Variants in UBE2E1 observed in about 807,000 individuals in gnomAD.
The protein encoded by UBE2E1 is ubiquitin conjugating enzyme E2 E1, also known as ubiquitin-conjugating enzyme E2 E1.
In UBE2E1, 6 loss-of-function variants were observed where a neutral mutation model predicts 21.4. The ratio of observed to expected loss-of-function variants is 0.28; its 90% CI spans 0.15 to 0.55. The LOEUF (loss-of-function observed/expected upper bound fraction) is 0.55, where lower values mean the gene tolerates loss of function less well. Ranked by LOEUF, UBE2E1 falls within the 20% of genes least tolerant of loss-of-function variation. UBE2E1 has a pLI of 0.93. For missense variants in UBE2E1, 142 were observed against 236.5 expected, an observed-to-expected ratio of 0.60 and a Z score of 2.62; for synonymous variants, 87 against 82.7, an observed-to-expected ratio of 1.05 and a Z score of -0.28.
rs1009974721 is a variant in UBE2E1 at position 23,807,231 on chromosome 3, C to G, written c.-33-6C>G. The G allele has an allele frequency of 4.4e-6, 7 of 1,594,744 alleles. No homozygotes were observed. Among genetic ancestry groups the G allele is most frequent in the Non-Finnish European group, 5.1e-6 (6 of 1,172,516 alleles). On this transcript the variant is annotated splice_polypyrimidine_tract_variant and splice_region_variant and intron_variant, in intron 1 of 5. Transcript: ENST00000306627. ...GTGTTTCTGTTTTGTTTCTCTCCCC[C>G]TGCAGGGGCTGTTTGCGGGGTGGGG...
At position 23,823,933 on chromosome 3, in the gene UBE2E1, A is replaced by G. The variant is rs993619398; in HGVS notation, c.203+12423A>G. Among the ~76,000 whole-genome samples the G allele has an allele frequency of 2.6e-5, 4 of 152,212 alleles. No individual in the cohort carries two copies. Among genetic ancestry groups the G allele is most frequent in the Admixed American group, 1.3e-4 (2 of 15,282 alleles). On this transcript the variant is annotated intron_variant, in intron 3 of 5. Transcript: ENST00000306627. This position sits in a 1 kb window ranked among gnomAD's most constrained non-coding sequence, Gnocchi z 4.2. Reference sequence around the variant, plus strand: ...GGAGACTGGTAGCCCCCGAAAAGACATTTATTTTTTGTAGCTTGGTATTCT... The same window carrying G: ...GGAGACTGGTAGCCCCCGAAAAGACGTTTATTTTTTGTAGCTTGGTATTCT...
At chr3:23,840,490 T>A (rs1461766490) in intron 3 of UBE2E1, among the ~76,000 whole-genome samples, 1 of 152,226 alleles carries the variant, frequency 6.6e-6, no homozygotes, top group Non-Finnish European at 1.5e-5. Context: ...TAAGGCCTCC[T>A]TTTGAAGCCT....
rs557766188 is a variant in UBE2E1 at position 23,822,372 on chromosome 3, A to G, written c.203+10862A>G. Among the ~76,000 whole-genome samples, 5 of 152,304 alleles carry G rather than the reference A, an allele frequency of 3.3e-5. No homozygotes were observed. The East Asian group carries it at 5.8e-4, about 18-fold the overall frequency. ...TGATCTGGTGTTATCTACTTTCTAC[A>G]CTTTAGGGCAGAATTTCTTAACATA... On this transcript the variant is annotated intron_variant, in intron 3 of 5. Transcript: ENST00000306627.
chr3:23,838,535 C>G (rs138611671), intron 3 of UBE2E1, among the ~76,000 whole-genome samples: 1 of 152,164 alleles, frequency 6.6e-6, no homozygotes, highest in East Asian at 1.9e-4. Context: ...TACCCTGTCA[C>G]CCAGGCCGGA....
At chr3:23,843,884 T>C (rs1231718958) in intron 3 of UBE2E1, among the ~76,000 whole-genome samples, 1 of 152,188 alleles carries the variant, frequency 6.6e-6, no homozygotes, top group Non-Finnish European at 1.5e-5. Context: ...TTTTCCTGTG[T>C]TTTTATATTT....
chr3:23,864,121 A>G (rs1246287836), intron 3 of UBE2E1, among the ~76,000 whole-genome samples: 1 of 152,156 alleles, frequency 6.6e-6, no homozygotes, highest in Non-Finnish European at 1.5e-5. Flanking sequence ...CTTCCCTAGC[A>G]CTTGATTGAT....
intron 3 of UBE2E1, among the ~76,000 whole-genome samples, chr3:23,886,208 A>G (rs1430712456): frequency 6.6e-6 from 1 of 152,244 alleles, no homozygotes; most frequent in East Asian, 1.9e-4. Flanking sequence ...TGTTTCAAAA[A>G]TAAAAAATAA....
intron 3 of UBE2E1, among the ~76,000 whole-genome samples, chr3:23,856,690 G>C (rs1240170235): frequency 6.6e-6 from 1 of 152,108 alleles, no homozygotes; most frequent in East Asian, 1.9e-4. Flanking sequence ...CTGTTGATTT[G>C]TTTCTGGGCC....
intron 3 of UBE2E1, among the ~76,000 whole-genome samples, chr3:23,840,980 A>G (rs780354230): frequency 2.6e-5 from 4 of 152,190 alleles, no homozygotes; most frequent in Non-Finnish European, 5.9e-5. Flanking sequence ...GGTAGGGCAG[A>G]TTTAGTATCT....
intron 3 of UBE2E1, among the ~76,000 whole-genome samples, chr3:23,868,661 C>T (rs1700709345): frequency 6.6e-6 from 1 of 151,884 alleles, no homozygotes; most frequent in South Asian, 2.1e-4. Flanking sequence ...GATTAGATTC[C>T]ATCTCTTCTA....
chr3:23,830,027 G>A (rs1034703358), intron 3 of UBE2E1, among the ~76,000 whole-genome samples: 4 of 152,020 alleles, frequency 2.6e-5, no homozygotes, highest in Admixed American at 1.3e-4. Flanking sequence ...TGGAATTTTG[G>A]TTCTAGAATA....
intron 4 of UBE2E1, among the ~76,000 whole-genome samples, chr3:23,888,073 G>C (rs889639061): frequency 1.3e-5 from 2 of 152,156 alleles, no homozygotes; most frequent in East Asian, 3.9e-4. Context: ...TGGGAGGATT[G>C]TTTGAGCCCA....
At chr3:23,830,226 C>A (rs190445611) in intron 3 of UBE2E1, among the ~76,000 whole-genome samples, 3 of 152,040 alleles carry the variant, frequency 2.0e-5, no homozygotes, top group African/African-American at 7.3e-5. Flanking sequence ...TTATTCTGAG[C>A]CCTTTATAAT....
rs1700751905 is a variant in UBE2E1 at position 23,870,077 on chromosome 3, G to A, written c.204-17490G>A. 6.6e-6 allele frequency among the ~76,000 whole-genome samples: 1 copy of A among 152,114 alleles called. No homozygotes were observed. Among genetic ancestry groups the A allele is most frequent in the African/African-American group, 2.4e-5 (1 of 41,394 alleles). On this transcript the variant is annotated intron_variant, in intron 3 of 5. Transcript: ENST00000306627. This position sits in a 1 kb window ranked among gnomAD's most constrained non-coding sequence, Gnocchi z 4.2. ...AGCCTTCCTCACTTTTACATGTCTG[G>A]TTTTCCACCTGGGCTGGGAAGGCCC...
intron 3 of UBE2E1, chr3:23,878,883 A>G (rs1418118922): frequency 2.4e-5 from 8 of 335,854 alleles, no homozygotes; most frequent in Non-Finnish European, 4.1e-5. Flanking sequence ...AATAAATACA[A>G]TGCACTTGAA....
chr3:23,868,222 C>G lies in UBE2E1; in HGVS notation c.204-19345C>G, dbSNP rs72627045. Among the ~76,000 whole-genome samples, 599 of 152,328 alleles carry G rather than the reference C, an allele frequency of 3.9e-3. 15 individuals are homozygous for G. In the East Asian group the frequency reaches 0.059, roughly 15 times the overall value. On this transcript the variant is annotated intron_variant, in intron 3 of 5. Coordinates refer to ENST00000306627, the MANE Select transcript of UBE2E1 (RefSeq NM_003341.5). ...GATAGCCCAGACTTAGTATCCCCCC[C>G]ACCTTTCCAAGTCCTTAAAGCATTG...
intron 3 of UBE2E1, among the ~76,000 whole-genome samples, chr3:23,822,601 A>C (rs1029021441): frequency 1.3e-5 from 2 of 152,210 alleles, no homozygotes; most frequent in Non-Finnish European, 2.9e-5. Context: ...CATGTATTAC[A>C]TCTTGATGAA....
chr3:23,825,500 G>A (rs895702763), intron 3 of UBE2E1, among the ~76,000 whole-genome samples: 2 of 152,170 alleles, frequency 1.3e-5, no homozygotes, highest in Non-Finnish European at 2.9e-5. Flanking sequence ...TTCATATAGA[G>A]GGAGGTACAA....
intron 2 of UBE2E1, among the ~76,000 whole-genome samples, chr3:23,809,102 A>G (rs1276691318): frequency 6.6e-6 from 1 of 152,242 alleles, no homozygotes; most frequent in Non-Finnish European, 1.5e-5. Flanking sequence ...TGATAGGTGT[A>G]GAAAAATGAA....
Sources: gnomAD v4.1 joint callset for allele counts (sites outside exome capture counted in the v4.1 genomes callset) on GRCh38, gnomAD v4.1.1 for gene constraint, Gnocchi (gnomAD v3.1) non-coding constraint, MANE v1.5 for transcripts, NCBI Gene and HGNC (gene_info 2026-07-23, HGNC 2026-07-21) for gene names.